The following STPG2 variants were observed in gnomAD, a reference collection of about 807,000 sequenced individuals.
STPG2 encodes the protein sperm-tail PG-rich repeat-containing protein 2.
A neutral mutation model predicts 54.2 loss-of-function variants in STPG2; 56 were observed. The ratio of observed to expected loss-of-function variants is 1.03; its 90% CI spans 0.83 to 1.29. STPG2 has a LOEUF of 1.29. Among genes scored for constraint, STPG2 ranks in the 50% most tolerant of loss-of-function variants. STPG2 has a pLI of 0.00. For synonymous variants in STPG2, 200 were observed against 181.8 expected, an observed-to-expected ratio of 1.10 and a Z score of -0.81; for missense variants, 596 against 544.9, an observed-to-expected ratio of 1.09 and a Z score of -0.93.
chr4:97,551,183 G>A (rs924277846), intron 4 of STPG2, among the ~76,000 whole-genome samples: 2 of 152,012 alleles, frequency 1.3e-5, no homozygotes, highest in African/African-American at 2.4e-5. Flanking sequence ...AGCACTGATT[G>A]GTGCATTTAC....
At chr4:97,797,484 T>A (rs1277656029) in intron 9 of STPG2, among the ~76,000 whole-genome samples, 1 of 152,220 alleles carries the variant, frequency 6.6e-6, no homozygotes, top group Non-Finnish European at 1.5e-5. Flanking sequence ...ATATGCTGGA[T>A]TACGTTTATT....
At chr4:97,492,929 G>A (rs1233118863) in intron 4 of STPG2, among the ~76,000 whole-genome samples, 2 of 148,968 alleles carry the variant, frequency 1.3e-5, no homozygotes, top group Non-Finnish European at 3.0e-5. Context: ...CCAGTCAAGA[G>A]GTAGAGTCTG....
Position 98,128,444 on chromosome 4 carries a change from T to C in STPG2, c.371A>G (p.Tyr124Cys), listed in dbSNP as rs774103014. ...PACDSTLGPA[Y>C]YKPQFDVSNA... is the part of the protein sequence containing the mutation. ...TATACTTACAAATTGAGGTTTGTAGTATGCTGGACCAAGTGTACTGTCACA... is the reference window on the plus strand; with the variant it reads ...TATACTTACAAATTGAGGTTTGTAGCATGCTGGACCAAGTGTACTGTCACA... The change falls in exon 3 of 11, where the codon TAC becomes TGC. Residue 124 changes from tyrosine (Y) to cysteine (C), a missense_variant. Tyr to Cys is a radical substitution (Grantham distance 194, BLOSUM62 -2). Coordinates refer to ENST00000295268, the MANE Select transcript of STPG2 (RefSeq NM_174952.3). 3 of 1,604,572 alleles carry C rather than the reference T, an allele frequency of 1.9e-6. No individual in the cohort carries two copies. The highest frequency in any genetic ancestry group is 3.5e-5 in the Admixed American group (2 of 57,680).
intron 4 of STPG2, among the ~76,000 whole-genome samples, chr4:97,466,913 A>T (rs776748645): frequency 8.5e-5 from 13 of 152,076 alleles, no homozygotes; most frequent in Non-Finnish European, 1.8e-4. Flanking sequence ...AAATAGTTAC[A>T]GAGTTTGTTA....
At chr4:97,700,759 A>C (rs1723746253) in intron 10 of STPG2, among the ~76,000 whole-genome samples, 1 of 152,224 alleles carries the variant, frequency 6.6e-6, no homozygotes, top group Non-Finnish European at 1.5e-5. Context: ...GTAGGACTGT[A>C]AAGGTATAAT....
intron 5 of STPG2, among the ~76,000 whole-genome samples, chr4:98,012,923 C>A (rs974835547): frequency 1.3e-5 from 2 of 152,208 alleles, no homozygotes; most frequent in Non-Finnish European, 2.9e-5. Context: ...TTCTCTCTTC[C>A]TATCTGAATA....
intron 9 of STPG2, among the ~76,000 whole-genome samples, chr4:97,795,970 A>T (rs189798101): frequency 1.1e-3 from 174 of 152,130 alleles, no homozygotes; most frequent in Non-Finnish European, 2.3e-3. Context: ...GCATTTTTTC[A>T]TGTGTCTGTT....
chr4:97,753,222 A>G (rs1013296585), intron 9 of STPG2, among the ~76,000 whole-genome samples: 3 of 151,952 alleles, frequency 2.0e-5, no homozygotes, highest in East Asian at 3.9e-4. Context: ...TACATCCATT[A>G]AATAGTAACC....
chr4:98,026,652 A>G (rs1736432291), intron 5 of STPG2, among the ~76,000 whole-genome samples: 1 of 152,122 alleles, frequency 6.6e-6, no homozygotes, highest in Non-Finnish European at 1.5e-5. Context: ...ATAACTACAT[A>G]CAGATAAACT....
chr4:97,680,826 A>T lies in STPG2; in HGVS notation c.1320+31873T>A, dbSNP rs368365468. ...TTACGCTGTTACCCATGAAGACCTGAATAATAACAATATATAAAATGTGTT... is the reference window on the plus strand; with the variant it reads ...TTACGCTGTTACCCATGAAGACCTGTATAATAACAATATATAAAATGTGTT... On this transcript the variant is annotated intron_variant, in intron 10 of 10. Coordinates refer to ENST00000295268, the MANE Select transcript of STPG2 (RefSeq NM_174952.3). 7.2e-5 allele frequency among the ~76,000 whole-genome samples: 11 copies of T among 151,960 alleles called. No individual in the cohort carries two copies. In the East Asian group the frequency reaches 1.5e-3, roughly 21 times the overall value.
chr4:97,931,981 A>G (rs957136131), intron 8 of STPG2, among the ~76,000 whole-genome samples: 1 of 152,006 alleles, frequency 6.6e-6, no homozygotes, highest in African/African-American at 2.4e-5. Flanking sequence ...GGGAGGATGT[A>G]TGTGTCCAGG....
chr4:98,040,196 G>A, intron 5 of STPG2, among the ~76,000 whole-genome samples: 1 of 151,776 alleles, frequency 6.6e-6, no homozygotes, highest in African/African-American at 2.4e-5. Context: ...TCTTGTTTGA[G>A]TTACTTGTAG....
chr4:97,537,914 G>A (rs1731578189), intron 4 of STPG2, among the ~76,000 whole-genome samples: 1 of 152,208 alleles, frequency 6.6e-6, no homozygotes, highest in Non-Finnish European at 1.5e-5. Context: ...AGCCTCCGCT[G>A]CTGATACCCA....
At chr4:97,619,771 C>T (rs948256337) in intron 10 of STPG2, among the ~76,000 whole-genome samples, 3 of 151,666 alleles carry the variant, frequency 2.0e-5, no homozygotes, top group Non-Finnish European at 4.4e-5. Flanking sequence ...TACTAAAGTG[C>T]CTTGTGCTTT....
At chr4:97,887,728 C>T (rs543504214) in intron 8 of STPG2, among the ~76,000 whole-genome samples, 34 of 152,166 alleles carry the variant, frequency 2.2e-4, no homozygotes, top group East Asian at 1.4e-3. Context: ...TTTGCATAAC[C>T]GAAAAGGATC....
chr4:97,908,807 T>C (rs371231436), intron 8 of STPG2, among the ~76,000 whole-genome samples: 47 of 147,334 alleles, frequency 3.2e-4, no homozygotes, highest in African/African-American at 1.0e-3. Context: ...TAGGTGGGAA[T>C]TGAACAATGA....
At chr4:97,852,721 C>A (rs533210199) in intron 8 of STPG2, among the ~76,000 whole-genome samples, 1 of 151,908 alleles carries the variant, frequency 6.6e-6, no homozygotes, top group South Asian at 2.1e-4. Context: ...ATACACTATG[C>A]AAAAGGTAAA....
intron 10 of STPG2, among the ~76,000 whole-genome samples, chr4:97,603,143 A>C (rs112199458): frequency 0.015 from 2,267 of 151,926 alleles, 52 homozygotes; most frequent in African/African-American, 0.052. Flanking sequence ...CCAATTTAAA[A>C]AACAGGCAAA....
intron 5 of STPG2, among the ~76,000 whole-genome samples, chr4:98,039,338 A>AC (rs61138876): frequency 0.37 from 52,017 of 140,320 alleles, 10,089 homozygotes; most frequent in Middle Eastern, 0.44. Flanking sequence ...GGAGAAAAAA[A>AC]GTTTTAAAAA....
Sources: gnomAD v4.1 joint callset for allele counts (sites outside exome capture counted in the v4.1 genomes callset) on GRCh38, gnomAD v4.1.1 for gene constraint, MANE v1.5 for transcripts, NCBI Gene and HGNC (gene_info 2026-07-23, HGNC 2026-07-21) for gene names.